WWTR1: variants seen among roughly 807,000 people sequenced by gnomAD.
WWTR1 encodes the protein WW domain-containing transcription regulator protein 1.
Under a neutral mutation model 40.1 loss-of-function variants are expected in WWTR1, and 13 were observed. The ratio of observed to expected loss-of-function variants is 0.32; its 90% CI spans 0.21 to 0.52. The LOEUF (loss-of-function observed/expected upper bound fraction) is 0.52. Ranked by LOEUF, WWTR1 falls within the 20% of genes least tolerant of loss-of-function variation. The pLI, the probability that WWTR1 is intolerant of heterozygous loss-of-function variation, is 0.97. For synonymous variants in WWTR1, 230 were observed against 210.1 expected (o/e 1.09, Z -0.82); for missense variants, 436 against 523.1 (o/e 0.83, Z 1.63).
chr3:149,656,858 G>C lies in WWTR1; in HGVS notation c.431+18C>G. ...GGCACTGTGACTTGGTGCCTTCTTC[G>C]GCTCCAGGCTGACTTACTTGAGGAA... On this transcript the variant is annotated intron_variant, in intron 2 of 6. Transcript: ENST00000360632. The C allele has an allele frequency of 6.7e-7, 1 of 1,498,302 alleles. No individual in the cohort carries two copies. Among genetic ancestry groups the C allele is most frequent in the Non-Finnish European group, 8.8e-7 (1 of 1,133,108 alleles). The allele number at this position is 1,498,302 out of a possible 1,614,324, so 92.8% of individuals were successfully genotyped here.
chr3:149,665,361 G>A (rs1336929918), intron 2 of WWTR1, among the ~76,000 whole-genome samples: 2 of 151,826 alleles, frequency 1.3e-5, no homozygotes, highest in African/African-American at 2.4e-5. Context: ...AAGTAGCTGG[G>A]ATTACAGGAG....
chr3:149,626,601 A>C (rs983256003), intron 2 of WWTR1, among the ~76,000 whole-genome samples: 2 of 152,042 alleles, frequency 1.3e-5, no homozygotes, highest in African/African-American at 4.8e-5. Context: ...GAAAATCCCA[A>C]AGCAGGCTGA....
At position 149,710,570 on chromosome 3, in the gene WWTR1, TCC is replaced by T. The variant is rs1167222153; in HGVS notation, n.584+6870_584+6871del. 1.2e-3 allele frequency among the ~76,000 whole-genome samples: 22 copies of T among 18,190 alleles called. 1 individual carries two copies. The highest frequency in any genetic ancestry group is 7.5e-3 in the Admixed American group (9 of 1,198). 11.9% of individuals were successfully genotyped at this position (18,190 alleles called of 152,430 possible). On this transcript the variant is annotated intron_variant and non_coding_transcript_variant, in intron 5 of 6. Transcript: ENST00000474080. The stretch of plus-strand genomic sequence containing the variant: ...ATAAAACATTATCATTATCCCCGCC[TCC>T]CCCCCCCCCCTTTTTTTTTTTTTTT...
chr3:149,590,468 GGT>G (rs1553796135), intron 2 of WWTR1, among the ~76,000 whole-genome samples: 2 of 152,136 alleles, frequency 1.3e-5, no homozygotes, highest in Non-Finnish European at 2.9e-5. Context: ...TGGCCAACGT[GGT>G]GAAACCCCAT....
At chr3:149,627,593 A>G (rs761439103) in intron 2 of WWTR1, among the ~76,000 whole-genome samples, 1 of 152,284 alleles carries the variant, frequency 6.6e-6, no homozygotes, top group Non-Finnish European at 1.5e-5. Flanking sequence ...GAGGCCCCCA[A>G]ATCAAGCTGG....
chr3:149,531,204 G>A (rs1735564791), intron 4 of WWTR1, among the ~76,000 whole-genome samples: 2 of 152,074 alleles, frequency 1.3e-5, no homozygotes, highest in African/African-American at 2.4e-5. Flanking sequence ...CAAAGTGCTG[G>A]GATTACAGGC....
chr3:149,649,347 T>C (rs1560102859), intron 2 of WWTR1, among the ~76,000 whole-genome samples: 1 of 152,336 alleles, frequency 6.6e-6, no homozygotes, highest in African/African-American at 2.4e-5. Context: ...ATCTTTTAGA[T>C]GGCACAAAGG....
At chr3:149,625,336 T>A (rs1319629562) in intron 2 of WWTR1, among the ~76,000 whole-genome samples, 3 of 151,624 alleles carry the variant, frequency 2.0e-5, no homozygotes, top group Admixed American at 6.6e-5. Context: ...GCCAGGATGG[T>A]CTCGATCTCC....
chr3:149,561,753 C>G (rs1271562546), intron 3 of WWTR1, among the ~76,000 whole-genome samples: 1 of 152,142 alleles, frequency 6.6e-6, no homozygotes, highest in Admixed American at 6.5e-5. Context: ...TTGGAAGGCT[C>G]TCTAAGATAT....
chr3:149,527,588 A>G (rs1053795937), intron 5 of WWTR1, among the ~76,000 whole-genome samples: 1 of 152,160 alleles, frequency 6.6e-6, no homozygotes, highest in Non-Finnish European at 1.5e-5. Context: ...GTTCATGCCC[A>G]TTTTCAAATT....
chr3:149,589,235 C>T (rs185432998), intron 2 of WWTR1, among the ~76,000 whole-genome samples: 10 of 152,256 alleles, frequency 6.6e-5, no homozygotes, highest in East Asian at 1.9e-4. Flanking sequence ...CAGAAGGGAG[C>T]GGCATTTATT....
intron 2 of WWTR1, among the ~76,000 whole-genome samples, chr3:149,595,241 T>G (rs1051797410): frequency 6.6e-6 from 1 of 152,116 alleles, no homozygotes; most frequent in Admixed American, 6.5e-5. Context: ...ATTACAGGCA[T>G]GAGCCACCGC....
intron 6 of WWTR1, 91 bp from the exon 7 acceptor site, chr3:149,521,080 A>T (rs1735023839): frequency 2.9e-6 from 4 of 1,388,690 alleles, no homozygotes; most frequent in Non-Finnish European, 3.9e-6. Context: ...CCTCACCTTC[A>T]TGTCTTCAAC....
chr3:149,593,037 C>A (rs936590961), intron 2 of WWTR1, among the ~76,000 whole-genome samples: 18 of 152,302 alleles, frequency 1.2e-4, no homozygotes, highest in African/African-American at 4.3e-4. Flanking sequence ...ACTCATGTAC[C>A]AATCACAGTA....
At chr3:149,674,914 C>G (rs185098436) in intron 1 of WWTR1, among the ~76,000 whole-genome samples, 1 of 152,098 alleles carries the variant, frequency 6.6e-6, no homozygotes, top group Non-Finnish European at 1.5e-5. Flanking sequence ...TAGAGAGAAC[C>G]AATGGCATTT....
intron 1 of WWTR1, among the ~76,000 whole-genome samples, chr3:149,670,607 G>T (rs191236702): frequency 8.9e-4 from 125 of 140,632 alleles, no homozygotes; most frequent in African/African-American, 3.3e-3. Context: ...TCATGCCACC[G>T]CACTCCAGCC....
At chr3:149,699,747 G>A (rs998754718) in intron 1 of WWTR1, among the ~76,000 whole-genome samples, 12 of 152,144 alleles carry the variant, frequency 7.9e-5, no homozygotes, top group African/African-American at 2.9e-4. Flanking sequence ...GGACTTTACT[G>A]TCAATATCTC....
At chr3:149,705,555 A>G (rs1715309904), upstream of WWTR1, among the ~76,000 whole-genome samples, 1 of 152,226 alleles carries the variant, frequency 6.6e-6, no homozygotes, top group African/African-American at 2.4e-5. Flanking sequence ...AGAAACCCTG[A>G]TTCCAAAACA....
intron 2 of WWTR1, among the ~76,000 whole-genome samples, chr3:149,621,204 C>T (rs1740249641): frequency 6.6e-6 from 1 of 152,136 alleles, no homozygotes; most frequent in African/African-American, 2.4e-5. Context: ...GTTTTTAGGC[C>T]TCCCTTATAA....
Sources: allele counts gnomAD v4.1 joint callset (sites outside exome capture counted in the v4.1 genomes callset), GRCh38; gene constraint gnomAD v4.1.1; transcripts MANE v1.5; gene names NCBI Gene and HGNC (gene_info 2026-07-23, HGNC 2026-07-21).